Variants in TMEM272 observed in about 807,000 individuals in gnomAD.
The protein encoded by TMEM272 is long intergenic non-protein coding RNA 282.
A neutral mutation model predicts 3.7 loss-of-function variants in TMEM272; 8 were observed. That is an observed-to-expected ratio of 2.17 (90% CI 1.27 to 3.91). The LOEUF is 3.91. Among genes scored for constraint, TMEM272 ranks in the 30% most tolerant of loss-of-function variants. The pLI, the probability that TMEM272 is intolerant of heterozygous loss-of-function variation, is 0.00. For missense variants in TMEM272, 166 were observed against 91.5 expected, an observed-to-expected ratio of 1.81 and a Z score of -3.32; for synonymous variants, 63 against 39.8, an observed-to-expected ratio of 1.58 and a Z score of -2.20.
chr13:51,851,669 C>A, the TMEM272 span, among the ~76,000 whole-genome samples: 1 of 151,862 alleles, frequency 6.6e-6, no homozygotes, highest in Non-Finnish European at 1.5e-5. Flanking sequence ...GGACTACAGG[C>A]GCACGCCACC....
chr13:51,868,498 T>TA, the TMEM272 span, among the ~76,000 whole-genome samples: 1 of 152,264 alleles, frequency 6.6e-6, no homozygotes, highest in Non-Finnish European at 1.5e-5. Context: ...GTTTCACAGA[T>TA]AGAGTGCAGA....
chr13:51,900,370 T>C, the TMEM272 span, among the ~76,000 whole-genome samples: 1 of 152,170 alleles, frequency 6.6e-6, no homozygotes, highest in East Asian at 1.9e-4. Context: ...CAAATGACCA[T>C]GGAAAGATGC....
At chr13:51,916,609 C>T in the TMEM272 span, among the ~76,000 whole-genome samples, 1 of 152,160 alleles carries the variant, frequency 6.6e-6, no homozygotes, top group Non-Finnish European at 1.5e-5. Flanking sequence ...CATGGACTGA[C>T]CCAGCCCTCT....
the TMEM272 span, chr13:51,865,888 C>T: frequency 8.7e-6 from 14 of 1,613,542 alleles, no homozygotes; most frequent in Admixed American, 3.3e-5. Flanking sequence ...AAAGAGCCCT[C>T]CTTGAGGGGG....
At chr13:51,823,846 A>T (rs1419302093) in intron 3 of TMEM272, among the ~76,000 whole-genome samples, 1 of 152,274 alleles carries the variant, frequency 6.6e-6, no homozygotes, top group Non-Finnish European at 1.5e-5. Flanking sequence ...ACAGAGAGCC[A>T]TAAATTCAGG....
intron 2 of TMEM272, among the ~76,000 whole-genome samples, chr13:51,827,420 T>C (rs1956135572): frequency 6.6e-6 from 1 of 152,230 alleles, no homozygotes. Context: ...ACTTTTGTGA[T>C]TAGGCAATTA....
At chr13:51,874,647 G>C in the TMEM272 span, among the ~76,000 whole-genome samples, 1 of 152,144 alleles carries the variant, frequency 6.6e-6, no homozygotes, top group Non-Finnish European at 1.5e-5. Context: ...TTGATCCATG[G>C]AGGATCCCGT....
chr13:51,844,175 G>A (rs1033441386), intron 1 of TMEM272, among the ~76,000 whole-genome samples: 2 of 113,672 alleles, frequency 1.8e-5, no homozygotes, highest in African/African-American at 7.0e-5. Flanking sequence ...GTTAACCTCT[G>A]AGTTGTGTCA....
At chr13:51,876,531 A>G in the TMEM272 span, among the ~76,000 whole-genome samples, 1 of 152,194 alleles carries the variant, frequency 6.6e-6, no homozygotes, top group Non-Finnish European at 1.5e-5. Flanking sequence ...CATCATTTGC[A>G]TTTAGGATAT....
chr13:51,879,725 T>C, the TMEM272 span, among the ~76,000 whole-genome samples: 56 of 152,312 alleles, frequency 3.7e-4, 1 homozygote, highest in Admixed American at 3.7e-3. Flanking sequence ...ACACCAAGCA[T>C]ACAACGGTGA....
chr13:51,860,052 C>T, the TMEM272 span, among the ~76,000 whole-genome samples: 1 of 152,174 alleles, frequency 6.6e-6, no homozygotes, highest in Non-Finnish European at 1.5e-5. Context: ...ACCACCACAA[C>T]TGACTAATTT....
the TMEM272 span, among the ~76,000 whole-genome samples, chr13:51,863,662 C>T: frequency 4.7e-5 from 6 of 128,638 alleles, no homozygotes; most frequent in East Asian, 2.2e-4. Context: ...TTCATATGCA[C>T]GCGCACACAG....
At chr13:51,925,161 C>T in the TMEM272 span, among the ~76,000 whole-genome samples, 1 of 152,160 alleles carries the variant, frequency 6.6e-6, no homozygotes, top group Non-Finnish European at 1.5e-5. Flanking sequence ...CATTTGTTTT[C>T]CCAAAACTCC....
the TMEM272 span, among the ~76,000 whole-genome samples, chr13:51,923,437 G>T: frequency 6.6e-6 from 1 of 152,060 alleles, no homozygotes; most frequent in African/African-American, 2.4e-5. Context: ...GCCAGGAAAA[G>T]CAACAGTGTC....
At chr13:51,919,532 A>AT in the TMEM272 span, among the ~76,000 whole-genome samples, 35,634 of 151,806 alleles carry the variant, frequency 0.23, 4,334 homozygotes, top group East Asian at 0.48. Context: ...ACATAAAATT[A>AT]TTTTTTTTAA....
At chr13:51,918,640 CT>C in the TMEM272 span, among the ~76,000 whole-genome samples, 1 of 151,778 alleles carries the variant, frequency 6.6e-6, no homozygotes, top group Non-Finnish European at 1.5e-5. Context: ...TTTAGTTAGT[CT>C]TTGGAACAAC....
chr13:51,852,413 T>C, the TMEM272 span, among the ~76,000 whole-genome samples: 9,023 of 152,282 alleles, frequency 0.059, 914 homozygotes, highest in African/African-American at 0.2. Flanking sequence ...CATGACAAAG[T>C]CTCCTCTTTC....
chr13:51,868,973 GA>G, the TMEM272 span, among the ~76,000 whole-genome samples: 92 of 152,304 alleles, frequency 6.0e-4, no homozygotes, highest in Non-Finnish European at 1.1e-3. Flanking sequence ...TGCCAGAAGG[GA>G]AAGGAAATAT....
At chr13:51,828,728 G>T (rs76038280) in intron 2 of TMEM272, among the ~76,000 whole-genome samples, 2,504 of 152,308 alleles carry the variant, frequency 0.016, 29 homozygotes, top group African/African-American at 0.037. Context: ...TGAGGAATAT[G>T]TGTGAGCAGA....
Sources: gnomAD v4.1 joint callset for allele counts (sites outside exome capture counted in the v4.1 genomes callset) on GRCh38, gnomAD v4.1.1 for gene constraint, MANE v1.5 for transcripts, NCBI Gene and HGNC (gene_info 2026-07-23, HGNC 2026-07-21) for gene names.